Variants in MDN1 observed in about 807,000 individuals in gnomAD.
MDN1 encodes midasin AAA ATPase 1.
In MDN1, 266 loss-of-function variants were observed where a neutral mutation model predicts 669.2. The observed-to-expected ratio is 0.40, with a 90% CI of 0.36 to 0.44. The LOEUF (loss-of-function observed/expected upper bound fraction) is 0.44. Ranked by LOEUF, MDN1 falls within the 20% of genes least tolerant of loss-of-function variation. MDN1 has a pLI of 1.00. For synonymous variants in MDN1, 2,385 were observed against 2,457.1 expected (o/e 0.97, Z 0.87); for missense variants, 5,940 against 6,754.0 (o/e 0.88, Z 4.22).
Position 89,732,541 on chromosome 6 carries a change from C to T in MDN1, c.4942+16G>A. On this transcript the variant is annotated intron_variant, in intron 34 of 101. Coordinates refer to ENST00000369393, the MANE Select transcript of MDN1 (RefSeq NM_014611.3). ...TATACGAGCCCCTTGTCCCCACCAG[C>T]TACCAGACAACATACCTGAACCTAT... 1 of 1,612,074 alleles carries T rather than the reference C, an allele frequency of 6.2e-7. No homozygotes were observed. The highest frequency in any genetic ancestry group is 8.5e-7 in the Non-Finnish European group (1 of 1,178,310).
intron 2 of MDN1, among the ~76,000 whole-genome samples, chr6:89,802,206 T>C (rs1767711919): frequency 6.6e-6 from 1 of 152,166 alleles, no homozygotes; most frequent in Non-Finnish European, 1.5e-5. Flanking sequence ...ATTTTCTAGT[T>C]CCATTAAACC....
intron 63 of MDN1, among the ~76,000 whole-genome samples, chr6:89,691,882 T>C (rs1360015811): frequency 6.6e-6 from 1 of 152,196 alleles, no homozygotes; most frequent in Non-Finnish European, 1.5e-5. Flanking sequence ...TTTGTATTTT[T>C]TAAAAGCTGC....
Position 89,781,539 on chromosome 6 carries a change from G to T in MDN1, c.1503C>A (p.Asp501Glu). Residue 501 changes from aspartate (D) to glutamate (E), a missense_variant, in exon 10 of 102, where the codon GAC becomes GAA. By Grantham distance (45) the Asp-to-Glu change is conservative (BLOSUM62 2). Around this residue, in one of 5 missense-constraint regions of MDN1, gnomAD observed 1,203 missense variants for 1,268.9 expected, o/e 0.95. Transcript: ENST00000369393. ...SLLAVVDHLL[D>E]IYIQLTGEKH... ...TCTCTCCAGTAAGTTGGATATAAAT[G>T]TCAAGCAGGTGATCAACCACTGCCA... is the stretch of plus-strand genomic sequence containing the variant. The T allele has an allele frequency of 6.2e-7, 1 of 1,613,532 alleles. No individual in the cohort carries two copies.
In MDN1 at chr6:89,772,369, G is replaced by A. The variant is rs76662662; in HGVS notation, c.2083+204C>T. On this transcript the variant is annotated intron_variant, in intron 14 of 101. Coordinates refer to ENST00000369393, the MANE Select transcript of MDN1 (RefSeq NM_014611.3). ...TTTTGAAATAAAACAAAATCTATAC[G>A]TATATGTATTTGCATAAGCATAGAT... 7.0e-3 allele frequency among the ~76,000 whole-genome samples: 1,061 copies of A among 152,202 alleles called. 20 individuals are homozygous for A. The highest frequency in any genetic ancestry group is 0.037 in the East Asian group (190 of 5,184).
In MDN1 at chr6:89,772,731, A is replaced by C; in HGVS notation, c.1935-10T>G. ...GAAAGTGAACTTCTCCCTGGGAAGG[A>C]GAAAAAAAGAGTTTAAAAACCACGC... On this transcript the variant is annotated splice_polypyrimidine_tract_variant and intron_variant, in intron 13 of 101. Coordinates refer to ENST00000369393, the MANE Select transcript of MDN1 (RefSeq NM_014611.3). 6.2e-7 allele frequency: 1 copy of C among 1,611,210 alleles called. No homozygotes were observed. The highest frequency in any genetic ancestry group is 8.5e-7 in the Non-Finnish European group (1 of 1,178,728).
chr6:89,754,173 A>G lies in MDN1; in HGVS notation c.2874T>C (p.His958=). Reference sequence around the variant, plus strand: ...GAGTCCGAAGGCTGTAGTGAGGTCTATGGCCAGTGCCATCCACCAGTTTGG... The same window carrying G: ...GAGTCCGAAGGCTGTAGTGAGGTCTGTGGCCAGTGCCATCCACCAGTTTGG... The part of the protein sequence containing the change: ...SGTKLVDGTG[H]RPHYSLRTLC... Residue 958 remains histidine, a synonymous_variant, in exon 21 of 102, where the codon CAT becomes CAC. Transcript: ENST00000369393. 3.7e-6 allele frequency: 6 copies of G among 1,614,166 alleles called. No homozygotes were observed. The highest frequency in any genetic ancestry group is 5.1e-6 in the Non-Finnish European group (6 of 1,179,998).
At chr6:89,710,829 A>C (rs1408126043) in intron 49 of MDN1, 35 bp from the exon 50 acceptor site, 16 of 1,255,920 alleles carry the variant, frequency 1.3e-5, no homozygotes, top group Non-Finnish European at 1.8e-5. Flanking sequence ...TTAGACTCTA[A>C]AGCAGTGCTA....
rs954959081 is a variant in MDN1 at position 89,783,926 on chromosome 6, G to A, written c.1449+1086C>T. Reference sequence around the variant, plus strand: ...GAATATGGGAGGCGGAGGTTGCAGCGAGCCAAGATCGTGCCACAGAGTACT... The same window carrying A: ...GAATATGGGAGGCGGAGGTTGCAGCAAGCCAAGATCGTGCCACAGAGTACT... On this transcript the variant is annotated intron_variant, in intron 9 of 101. Coordinates refer to ENST00000369393, the MANE Select transcript of MDN1 (RefSeq NM_014611.3). Among the ~76,000 whole-genome samples the A allele has an allele frequency of 4.6e-5, 7 of 150,584 alleles. No homozygotes were observed. In the South Asian group the frequency reaches 6.3e-4, roughly 13 times the overall value.
In MDN1 at chr6:89,713,230, C is replaced by A. The variant is rs760439364; in HGVS notation, c.7136G>T (p.Arg2379Leu). 1 of 1,613,820 alleles carries A rather than the reference C, an allele frequency of 6.2e-7. No individual in the cohort carries two copies. Among genetic ancestry groups the A allele is most frequent in the Non-Finnish European group, 8.5e-7 (1 of 1,179,906 alleles). ...AAAGGCTCTGTCTAAACTCAGCCCT[C>A]GCTGCAGGTACTGGACAATTAGTAT... ...TAILIVQYLQ[R>L]GLSLDRAFSE... Residue 2379 changes from arginine to leucine, a missense_variant, in exon 47 of 102, where the codon CGA (arginine) becomes CTA (leucine). Arg to Leu is a moderately radical substitution (Grantham distance 102). Coordinates refer to ENST00000369393, the MANE Select transcript of MDN1 (RefSeq NM_014611.3).
Position 89,655,858 on chromosome 6 carries a change from C to G in MDN1, c.15396G>C (p.Gln5132His), listed in dbSNP as rs377465597. Reference sequence around the variant, plus strand: ...GGGCCTGGGGCTGCTGAGCTGGCCCCTGCTCGGCATGGCTGTCCGTATCCA... The same window carrying G: ...GGGCCTGGGGCTGCTGAGCTGGCCCGTGCTCGGCATGGCTGTCCGTATCCA... ...RTVDTDSHAE[Q>H]GPAQQPQAQV... The change falls in exon 92 of 102, where the codon CAG becomes CAC. Residue 5132 changes from glutamine (Q) to histidine (H), a missense_variant. Physicochemically the swap from Gln to His is conservative, Grantham distance 24. Transcript: ENST00000369393. The G allele has an allele frequency of 1.4e-5, 22 of 1,614,022 alleles. No individual in the cohort carries two copies. Among genetic ancestry groups the G allele is most frequent in the Non-Finnish European group, 1.9e-5 (22 of 1,180,044 alleles).
intron 51 of MDN1, among the ~76,000 whole-genome samples, chr6:89,708,103 A>C (rs1431587949): frequency 6.6e-6 from 1 of 152,074 alleles, no homozygotes; most frequent in Non-Finnish European, 1.5e-5. Flanking sequence ...GAAGTTTAAG[A>C]CCAGTCTGGG....
chr6:89,782,216 G>A (rs1388474984), intron 9 of MDN1, among the ~76,000 whole-genome samples: 3 of 152,058 alleles, frequency 2.0e-5, no homozygotes, highest in Non-Finnish European at 4.4e-5. Flanking sequence ...CAACTCTAAA[G>A]AATTTATTCA....
chr6:89,778,931 T>A lies in MDN1; in HGVS notation c.1725+1281A>T, dbSNP rs542546112. Among the ~76,000 whole-genome samples, 50 of 138,014 alleles carry A rather than the reference T, an allele frequency of 3.6e-4. 1 individual carries two copies. The South Asian group carries it at 4.9e-3, about 13-fold the overall frequency. The allele number at this position is 138,014 out of a possible 152,430, so 90.5% of individuals were successfully genotyped here. A position where few individuals can be genotyped will look rare whatever the true frequency, so the allele number is the denominator to read the frequency against. ...ATAAATAAATAAATAAATAAATAAA[T>A]AAAAAAAAAGGTATAGGGCCTGTGT... is the stretch of plus-strand genomic sequence containing the variant. On this transcript the variant is annotated intron_variant, in intron 11 of 101. Transcript: ENST00000369393.
At chr6:89,754,944 A>C (rs1817164175) in intron 20 of MDN1, among the ~76,000 whole-genome samples, 1 of 152,110 alleles carries the variant, frequency 6.6e-6, no homozygotes, top group Non-Finnish European at 1.5e-5. Context: ...AATATTTTCA[A>C]AATATTTCAA....
chr6:89,713,469 A>G (rs1311535197), intron 46 of MDN1, among the ~76,000 whole-genome samples, 173 bp from the exon 47 acceptor site: 1 of 152,192 alleles, frequency 6.6e-6, no homozygotes, highest in African/African-American at 2.4e-5. Flanking sequence ...AAGGACCTGT[A>G]GGAACCTTTG....
Position 89,794,615 on chromosome 6 carries a change from A to G in MDN1, c.516T>C (p.Cys172=). 6.2e-7 allele frequency: 1 copy of G among 1,613,654 alleles called. No individual in the cohort carries two copies. The highest frequency in any genetic ancestry group is 8.5e-7 in the Non-Finnish European group (1 of 1,180,042). Reference sequence around the variant, plus strand: ...TGTCATGGCTTCTGAGGAGAGGGACACACACACTCCAGTCCCAGAGCTCCC... The same window carrying G: ...TGTCATGGCTTCTGAGGAGAGGGACGCACACACTCCAGTCCCAGAGCTCCC... ...VFRELWDWSV[C]VPLLRSHDTL... is the part of the protein sequence containing the mutation. Residue 172 remains cysteine (C), a synonymous_variant, in exon 3 of 102, where the codon TGT becomes TGC. Transcript: ENST00000369393.
chr6:89,776,727 A>AT, intron 11 of MDN1, 32 bp from the exon 12 acceptor site: 1 of 1,412,358 alleles, frequency 7.1e-7, no homozygotes. Flanking sequence ...ATGCTGACTG[A>AT]TTTTTAAAAT....
chr6:89,708,593 T>C lies in MDN1; in HGVS notation c.7801A>G (p.Met2601Val), dbSNP rs2128311282. The C allele has an allele frequency of 6.2e-7, 1 of 1,614,126 alleles. No individual in the cohort carries two copies. The highest frequency in any genetic ancestry group is 1.1e-5 in the South Asian group (1 of 91,076). The change falls in exon 51 of 102, where the codon ATG (methionine) becomes GTG (valine). Residue 2601 changes from methionine to valine, a missense_variant. Met to Val is a conservative substitution (Grantham distance 21, BLOSUM62 1). Around this residue, in one of 5 missense-constraint regions of MDN1, gnomAD observed 2,292 missense variants for 2,638.3 expected, o/e 0.87. Transcript: ENST00000369393. ...FVIPLDPRWN[M>V]QALDMIRNLM... ...TTTCTAATCATGTCCAGAGCCTGCA[T>C]ATTCCATCGGGGATCCAGAGGGATC...
rs748020828 is a variant in MDN1 at position 89,677,555 on chromosome 6, C to T, written c.12539+15G>A. ...ATTTATAAGTAGGGAAAAAACAAAA[C>T]AAAAACAGACAAACCTAGAATCAGC... On this transcript the variant is annotated intron_variant, in intron 76 of 101. Coordinates refer to ENST00000369393, the MANE Select transcript of MDN1 (RefSeq NM_014611.3). 6.2e-7 allele frequency: 1 copy of T among 1,612,458 alleles called. No individual in the cohort carries two copies. The highest frequency in any genetic ancestry group is 1.7e-5 in the Admixed American group (1 of 59,452).
Sources: gnomAD v4.1 joint callset for allele counts (sites outside exome capture counted in the v4.1 genomes callset) on GRCh38, gnomAD v4.1.1 for gene constraint, gnomAD v4.1.1 regional missense constraint, MANE v1.5 for transcripts, NCBI Gene and HGNC (gene_info 2026-07-23, HGNC 2026-07-21) for gene names.